SMARCA2: variants seen among roughly 807,000 people sequenced by gnomAD.
SMARCA2 encodes SWI/SNF related BAF chromatin remodeling complex subunit ATPase 2.
In SMARCA2, 61 loss-of-function variants were observed where a neutral mutation model predicts 199.8. That is an observed-to-expected ratio of 0.31 (90% confidence interval 0.25 to 0.38). The LOEUF (loss-of-function observed/expected upper bound fraction) is 0.38, where lower values mean the gene tolerates loss of function less well. Among genes scored for constraint, SMARCA2 ranks in the 10% least tolerant of loss-of-function variants. SMARCA2 has a pLI of 1.00. For missense variants in SMARCA2, 1,344 were observed against 2,012.2 expected (o/e 0.67, Z 6.35); for synonymous variants, 935 against 732.0 (o/e 1.28, Z -4.48).
At chr9:2,090,931 C>T (rs1395682883) in intron 19 of SMARCA2, among the ~76,000 whole-genome samples, 1 of 151,882 alleles carries the variant, frequency 6.6e-6, no homozygotes, top group Non-Finnish European at 1.5e-5. Context: ...CTTCTACCAC[C>T]ACTGCTTACA....
chr9:2,055,100 T>C (rs12337047), intron 6 of SMARCA2, among the ~76,000 whole-genome samples: 9,331 of 152,302 alleles, frequency 0.061, 541 homozygotes, highest in African/African-American at 0.14. Flanking sequence ...TAAGCACAGA[T>C]GTAAAGTGCT....
At chr9:2,130,539 A>G (rs988357589) in intron 27 of SMARCA2, among the ~76,000 whole-genome samples, 44 of 152,202 alleles carry the variant, frequency 2.9e-4, no homozygotes, top group African/African-American at 1.0e-3. Flanking sequence ...CGAACAAGGG[A>G]TGGTTCTTTT....
chr9:2,086,153 G>C lies in SMARCA2; in HGVS notation c.2527-676G>C, dbSNP rs1323490126. On this transcript the variant is annotated intron_variant, in intron 17 of 33. Coordinates refer to ENST00000349721, the MANE Select transcript of SMARCA2 (RefSeq NM_003070.5). This position sits in a 1 kb window ranked among gnomAD's most constrained non-coding sequence, Gnocchi z 4.3. ...TAGATAAAACAGGGGTCCTAGATCT[G>C]GCAGGTAAGGAATGTGCGTGTATTG... The C allele has an allele frequency of 6.6e-6, 1 of 152,358 alleles. No homozygotes were observed. Among genetic ancestry groups the C allele is most frequent in the African/African-American group, 2.4e-5 (1 of 41,448 alleles). The allele number at this position is 152,358 out of a possible 1,614,324, so 9.4% of individuals were successfully genotyped here.
chr9:2,152,006 G>T (rs1234996769), intron 27 of SMARCA2, among the ~76,000 whole-genome samples: 1 of 151,662 alleles, frequency 6.6e-6, no homozygotes, highest in Non-Finnish European at 1.5e-5. Flanking sequence ...GTTAGTTTCT[G>T]AATTAAAAGA....
chr9:2,079,140 G>A (rs534513874), intron 14 of SMARCA2, among the ~76,000 whole-genome samples: 39 of 152,176 alleles, frequency 2.6e-4, no homozygotes, highest in African/African-American at 9.2e-4. Context: ...CGGTCACTCT[G>A]GCAGTGACCC....
intron 27 of SMARCA2, among the ~76,000 whole-genome samples, chr9:2,137,537 T>C (rs2130673265): frequency 6.6e-6 from 1 of 152,300 alleles, no homozygotes; most frequent in Non-Finnish European, 1.5e-5. Context: ...CTTGTCCCAA[T>C]GATCTCCTTC....
intron 26 of SMARCA2, among the ~76,000 whole-genome samples, chr9:2,122,722 G>A (rs535546857): frequency 3.9e-4 from 59 of 152,254 alleles, no homozygotes; most frequent in Non-Finnish European, 7.1e-4. Context: ...ACATAATATT[G>A]AATCCCAATT....
chr9:2,181,522 C>T lies in SMARCA2; in HGVS notation c.4254-49C>T, dbSNP rs777748566. On this transcript the variant is annotated intron_variant, in intron 29 of 33. Coordinates refer to ENST00000349721, the MANE Select transcript of SMARCA2 (RefSeq NM_003070.5). Reference sequence around the variant, plus strand: ...CTGAAATAAAAATAAAACCTTTCCTCAGTAATGTTTGATGTGGCTTGTTTT... The same window carrying T: ...CTGAAATAAAAATAAAACCTTTCCTTAGTAATGTTTGATGTGGCTTGTTTT... 7 of 875,516 alleles carry T rather than the reference C, an allele frequency of 8.0e-6. No homozygotes were observed. In the East Asian group the frequency reaches 1.2e-4, roughly 15 times the overall value. The allele number at this position is 875,516 out of a possible 1,614,324, so 54.2% of individuals were successfully genotyped here. A position where few individuals can be genotyped will look rare whatever the true frequency, so the allele number is the denominator to read the frequency against.
At chr9:2,141,619 A>AGT (rs924286081) in intron 27 of SMARCA2, among the ~76,000 whole-genome samples, 1 of 152,186 alleles carries the variant, frequency 6.6e-6, no homozygotes, top group African/African-American at 2.4e-5. Flanking sequence ...GTGGGGCTGG[A>AGT]GTAGGGCAAA....
chr9:2,141,983 T>A (rs1824484002), intron 27 of SMARCA2, among the ~76,000 whole-genome samples: 1 of 152,170 alleles, frequency 6.6e-6, no homozygotes, highest in Admixed American at 6.5e-5. Context: ...TGATGAGACC[T>A]GCCCGTGAAG....
intron 21 of SMARCA2, among the ~76,000 whole-genome samples, chr9:2,100,754 A>T (rs1452404416): frequency 1.3e-5 from 2 of 152,128 alleles, no homozygotes; most frequent in Admixed American, 1.3e-4. Flanking sequence ...AATATATTAT[A>T]TAATCACAAT....
At chr9:2,187,068 T>C (rs1232931276) in intron 32 of SMARCA2, among the ~76,000 whole-genome samples, 1 of 152,204 alleles carries the variant, frequency 6.6e-6, no homozygotes. Context: ...GAATCACAGC[T>C]TTAGAAAATA....
chr9:2,072,864 A>G (rs1221856991), intron 10 of SMARCA2, among the ~76,000 whole-genome samples: 2 of 152,188 alleles, frequency 1.3e-5, no homozygotes, highest in Non-Finnish European at 2.9e-5. Flanking sequence ...TGACAGAGCC[A>G]TTACCGCTTT....
At chr9:2,046,206 A>G (rs1192025448) in intron 4 of SMARCA2, among the ~76,000 whole-genome samples, 1 of 152,218 alleles carries the variant, frequency 6.6e-6, no homozygotes, top group Admixed American at 6.5e-5. Context: ...AGCATCACTA[A>G]AATTATAATT....
In SMARCA2 at chr9:2,191,368, T is replaced by C; in HGVS notation, c.4697T>C (p.Val1566Ala). ...KRPNRGKAKPVVSDFDSDEEQ... is the reference protein window; with the variant it reads ...KRPNRGKAKPAVSDFDSDEEQ... Reference sequence around the variant, plus strand: ...CCAAATCGAGGAAAAGCCAAACCTGTAGTGAGCGATTTTGACAGCGATGAG... The same window carrying C: ...CCAAATCGAGGAAAAGCCAAACCTGCAGTGAGCGATTTTGACAGCGATGAG... The change falls in exon 33 of 34, where the codon GTA becomes GCA. Residue 1566 changes from valine (V) to alanine (A), a missense_variant. By Grantham distance (64) the Val-to-Ala change is moderately conservative. Transcript: ENST00000349721. The C allele has an allele frequency of 1.9e-6, 3 of 1,614,146 alleles. No homozygotes were observed. The highest frequency in any genetic ancestry group is 2.5e-6 in the Non-Finnish European group (3 of 1,180,014).
At chr9:2,015,908 G>C (rs1818334332) in intron 1 of SMARCA2, 1 of 152,360 alleles carries the variant, frequency 6.6e-6, no homozygotes, top group South Asian at 2.1e-4. Context: ...GGGGACAGGG[G>C]AGGAGGATGG....
At chr9:2,171,169 A>G (rs1000738777) in intron 29 of SMARCA2, among the ~76,000 whole-genome samples, 4 of 152,216 alleles carry the variant, frequency 2.6e-5, no homozygotes, top group African/African-American at 7.2e-5. Flanking sequence ...ATGGATGTGC[A>G]TGATACGCCA....
chr9:2,149,252 T>A (rs1824928333), intron 27 of SMARCA2, among the ~76,000 whole-genome samples: 1 of 151,228 alleles, frequency 6.6e-6, no homozygotes, highest in Non-Finnish European at 1.5e-5. Context: ...GTGTGGTGGC[T>A]CACACCTGTA....
At chr9:2,085,320 C>A (rs1821752925) in intron 17 of SMARCA2, among the ~76,000 whole-genome samples, 1 of 152,160 alleles carries the variant, frequency 6.6e-6, no homozygotes, top group African/African-American at 2.4e-5. Flanking sequence ...ATATGTATTT[C>A]AAGATTCATT....
Sources: allele counts gnomAD v4.1 joint callset (sites outside exome capture counted in the v4.1 genomes callset), GRCh38; gene constraint gnomAD v4.1.1; non-coding constraint Gnocchi (gnomAD v3.1); transcripts MANE v1.5; gene names NCBI Gene and HGNC (gene_info 2026-07-23, HGNC 2026-07-21).